PITPNC1: variants seen among roughly 807,000 people sequenced by gnomAD.
The protein encoded by PITPNC1 is cytoplasmic phosphatidylinositol transfer protein 1.
Under a neutral mutation model 44.7 loss-of-function variants are expected in PITPNC1, and 18 were observed. The ratio of observed to expected loss-of-function variants is 0.40; its 90% CI spans 0.28 to 0.60. PITPNC1 has a LOEUF of 0.60. Ranked by LOEUF, PITPNC1 falls within the 20% of genes least tolerant of loss-of-function variation. PITPNC1 has a pLI of 0.39. For missense variants in PITPNC1, 290 were observed against 418.4 expected, an observed-to-expected ratio of 0.69 and a Z score of 2.68; for synonymous variants, 141 against 149.6, an observed-to-expected ratio of 0.94 and a Z score of 0.42.
chr17:67,466,768 G>C (rs2039433669), intron 1 of PITPNC1, among the ~76,000 whole-genome samples: 1 of 152,136 alleles, frequency 6.6e-6, no homozygotes, highest in Non-Finnish European at 1.5e-5. Context: ...CTTGGCCCTG[G>C]TGCTTGGCAG....
intron 5 of PITPNC1, among the ~76,000 whole-genome samples, chr17:67,591,988 T>C (rs1439625259): frequency 6.6e-6 from 1 of 151,674 alleles, no homozygotes; most frequent in African/African-American, 2.4e-5. Flanking sequence ...GCTGGCATTA[T>C]AGGAGTGAGT....
chr17:67,613,159 T>G (rs2041710417), intron 5 of PITPNC1: 1 of 152,276 alleles, frequency 6.6e-6, no homozygotes, highest in Non-Finnish European at 1.5e-5. Flanking sequence ...ATCACGCCAT[T>G]GCACTCCAGC....
In PITPNC1 at chr17:67,517,441, G is replaced by A. The variant is rs368504479; in HGVS notation, c.49-15361G>A. Among the ~76,000 whole-genome samples the A allele has an allele frequency of 8.3e-4, 127 of 152,238 alleles. 1 individual carries two copies. Among genetic ancestry groups the A allele is most frequent in the Non-Finnish European group, 3.2e-4 (22 of 68,028 alleles). Reference sequence around the variant, plus strand: ...ATATCCAAGGGAAATGAAAACATACGTCCTCAAAAGACTCACCCACAAATA... The same window carrying A: ...ATATCCAAGGGAAATGAAAACATACATCCTCAAAAGACTCACCCACAAATA... On this transcript the variant is annotated intron_variant, in intron 1 of 8. Coordinates refer to ENST00000581322, the MANE Select transcript of PITPNC1 (RefSeq NM_012417.4).
intron 4 of PITPNC1, among the ~76,000 whole-genome samples, chr17:67,556,251 G>A (rs2040837168): frequency 6.6e-6 from 1 of 152,216 alleles, no homozygotes; most frequent in Non-Finnish European, 1.5e-5. Context: ...AGTCCCCAAT[G>A]TGGGAGACAG....
intron 6 of PITPNC1, among the ~76,000 whole-genome samples, chr17:67,639,487 A>T (rs1404852937): frequency 6.6e-6 from 1 of 152,212 alleles, no homozygotes; most frequent in African/African-American, 2.4e-5. Flanking sequence ...CAGCATAGTA[A>T]GTTGAATAGG....
At chr17:67,566,636 T>TA (rs2040984826) in intron 4 of PITPNC1, among the ~76,000 whole-genome samples, 1 of 152,266 alleles carries the variant, frequency 6.6e-6, no homozygotes, top group East Asian at 1.9e-4. Context: ...AATGAATTTC[T>TA]GAAATGAATA....
chr17:67,526,028 C>A (rs141808620), intron 1 of PITPNC1, among the ~76,000 whole-genome samples: 15 of 152,288 alleles, frequency 9.8e-5, no homozygotes, highest in African/African-American at 3.6e-4. Context: ...GCCTTGAGGT[C>A]CCCAGGCGGG....
chr17:67,696,356 T>G lies in PITPNC1; in HGVS notation c.*3468T>G, dbSNP rs931834650. 1 of 152,220 alleles carries G rather than the reference T, an allele frequency of 6.6e-6. No homozygotes were observed. The highest frequency in any genetic ancestry group is 2.4e-5 in the African/African-American group (1 of 41,456). 9.4% of individuals were successfully genotyped at this position (152,220 alleles called of 1,614,324 possible). ...TTTTTAAATTCTACTTTCTTTGGCATCTCTTCATGGCTCAGCGACAACAAA... is the reference window on the plus strand; with the variant it reads ...TTTTTAAATTCTACTTTCTTTGGCAGCTCTTCATGGCTCAGCGACAACAAA... On this transcript the variant is annotated 3_prime_UTR_variant, in exon 9 of 9. Coordinates refer to ENST00000581322, the MANE Select transcript of PITPNC1 (RefSeq NM_012417.4).
chr17:67,512,351 A>G (rs1390154978), intron 1 of PITPNC1, among the ~76,000 whole-genome samples: 1 of 152,188 alleles, frequency 6.6e-6, no homozygotes, highest in Non-Finnish European at 1.5e-5. Flanking sequence ...ATACAAAAAA[A>G]TTAGTCAGGC....
In PITPNC1 at chr17:67,597,424, C is replaced by T. The variant is rs2041474263; in HGVS notation, c.366+19167C>T. ...CAAAAATTAGCCAGGCGCGGTGGCACACACCTGTAATCACAGCTACTCAGG... is the reference window on the plus strand; with the variant it reads ...CAAAAATTAGCCAGGCGCGGTGGCATACACCTGTAATCACAGCTACTCAGG... On this transcript the variant is annotated intron_variant, in intron 5 of 8. Coordinates refer to ENST00000581322, the MANE Select transcript of PITPNC1 (RefSeq NM_012417.4). This position sits in a 1 kb window ranked among gnomAD's most constrained non-coding sequence, Gnocchi z 4.0. Among the ~76,000 whole-genome samples the T allele has an allele frequency of 6.6e-6, 1 of 152,034 alleles. No individual in the cohort carries two copies. The highest frequency in any genetic ancestry group is 2.4e-5 in the African/African-American group (1 of 41,396).
chr17:67,439,913 A>G (rs1332400900), intron 1 of PITPNC1, among the ~76,000 whole-genome samples: 4 of 152,210 alleles, frequency 2.6e-5, no homozygotes, highest in Admixed American at 2.6e-4. Context: ...CAAACAAACA[A>G]AAAAGCAAAC....
chr17:67,425,069 C>T (rs1386822402), intron 1 of PITPNC1, among the ~76,000 whole-genome samples: 4 of 152,042 alleles, frequency 2.6e-5, no homozygotes, highest in Non-Finnish European at 4.4e-5. Context: ...CAAAACATTC[C>T]TCCAAATTCC....
At chr17:67,691,824 AGC>A (rs1315843650) in intron 8 of PITPNC1, among the ~76,000 whole-genome samples, 2 of 152,190 alleles carry the variant, frequency 1.3e-5, no homozygotes, top group African/African-American at 2.4e-5. Context: ...TAGGCAACAT[AGC>A]GAGACCCTGT....
In PITPNC1 at chr17:67,692,560, T is replaced by G. The variant is rs1333517658; in HGVS notation, c.683-12T>G. 1.3e-6 allele frequency: 2 copies of G among 1,593,934 alleles called. No individual in the cohort carries two copies. Among genetic ancestry groups the G allele is most frequent in the South Asian group, 2.2e-5 (2 of 90,462 alleles). On this transcript the variant is annotated splice_polypyrimidine_tract_variant and intron_variant, in intron 8 of 8. Coordinates refer to ENST00000581322, the MANE Select transcript of PITPNC1 (RefSeq NM_012417.4). ...TAACTGCTCGTTTTTCTTTCTGTTT[T>G]TCTCCTTGAAGACATGACAATGGAT...
At chr17:67,499,650 C>T (rs140439996) in intron 1 of PITPNC1, among the ~76,000 whole-genome samples, 544 of 152,342 alleles carry the variant, frequency 3.6e-3, no homozygotes, top group Middle Eastern at 6.8e-3. Context: ...GGAAAGATCG[C>T]ATATATGATG....
intron 1 of PITPNC1, among the ~76,000 whole-genome samples, chr17:67,466,278 G>A (rs541343604): frequency 2.0e-5 from 3 of 151,972 alleles, no homozygotes; most frequent in Non-Finnish European, 4.4e-5. Context: ...CTACTGTCTT[G>A]ACCTCCCAAA....
At chr17:67,515,708 C>T (rs1402168171) in intron 1 of PITPNC1, among the ~76,000 whole-genome samples, 1 of 152,138 alleles carries the variant, frequency 6.6e-6, no homozygotes, top group African/African-American at 2.4e-5. Flanking sequence ...TTGAGGTTGA[C>T]TGGGCAAGCG....
intron 1 of PITPNC1, among the ~76,000 whole-genome samples, chr17:67,402,285 A>G (rs2038327041): frequency 6.6e-6 from 1 of 152,262 alleles, no homozygotes. Flanking sequence ...TTAAAAATGC[A>G]AAACCCATTT....
At chr17:67,387,150 C>T (rs969396599) in intron 1 of PITPNC1, among the ~76,000 whole-genome samples, 2 of 152,212 alleles carry the variant, frequency 1.3e-5, no homozygotes, top group African/African-American at 4.8e-5. Context: ...GGCTGCACAC[C>T]GCCAGGGGGC....
Sources: allele counts gnomAD v4.1 joint callset (sites outside exome capture counted in the v4.1 genomes callset), GRCh38; gene constraint gnomAD v4.1.1; non-coding constraint Gnocchi (gnomAD v3.1); transcripts MANE v1.5; gene names NCBI Gene and HGNC (gene_info 2026-07-23, HGNC 2026-07-21).